The following ATF6 variants were observed in gnomAD, a reference collection of about 807,000 sequenced individuals.
ATF6 encodes activating transcription factor 6.
A neutral mutation model predicts 83.6 loss-of-function variants in ATF6; 53 were observed. That is an observed-to-expected ratio of 0.63 (90% confidence interval 0.51 to 0.80). The LOEUF (loss-of-function observed/expected upper bound fraction) is 0.80, where lower values mean the gene tolerates loss of function less well. ATF6 is among the 30% of genes least tolerant of loss of function. The pLI, the probability that ATF6 is intolerant of heterozygous loss-of-function variation, is 0.00. For missense variants in ATF6, 744 were observed against 797.9 expected (o/e 0.93, Z 0.81); for synonymous variants, 288 against 285.8 (o/e 1.01, Z -0.08).
intron 7 of ATF6, among the ~76,000 whole-genome samples, chr1:161,810,685 G>A (rs1685433800): frequency 6.6e-6 from 1 of 151,866 alleles, no homozygotes; most frequent in East Asian, 1.9e-4. Context: ...ACAATTTAGT[G>A]GTACCATCAC....
At chr1:161,846,697 C>T in intron 10 of ATF6, 117 bp downstream of exon 10, 2 of 1,020,742 alleles carry the variant, frequency 2.0e-6, no homozygotes, top group Non-Finnish European at 2.6e-6. Flanking sequence ...AGTAGTAGAA[C>T]ACATAAATTA....
chr1:161,768,475 A>G (rs1684317992), intron 1 of ATF6, among the ~76,000 whole-genome samples: 1 of 152,186 alleles, frequency 6.6e-6, no homozygotes. Flanking sequence ...CAATAGAGTG[A>G]AACACTACTG....
intron 14 of ATF6, among the ~76,000 whole-genome samples, chr1:161,901,779 A>G (rs779787112): frequency 1.3e-5 from 2 of 152,266 alleles, no homozygotes; most frequent in Non-Finnish European, 1.5e-5. Context: ...TAGTTGCACT[A>G]TAGAATCTAA....
At chr1:161,930,200 C>T (rs1450380676) in intron 15 of ATF6, among the ~76,000 whole-genome samples, 1 of 152,156 alleles carries the variant, frequency 6.6e-6, no homozygotes, top group Non-Finnish European at 1.5e-5. Flanking sequence ...GATGACAGTA[C>T]ATTTTCATAA....
chr1:161,861,529 A>G (rs1195563489), intron 13 of ATF6, among the ~76,000 whole-genome samples: 2 of 152,212 alleles, frequency 1.3e-5, no homozygotes, highest in Non-Finnish European at 1.5e-5. Flanking sequence ...TTTTAAAAAT[A>G]TATCAATTTT....
intron 14 of ATF6, among the ~76,000 whole-genome samples, chr1:161,886,913 G>A (rs1571214538): frequency 6.6e-6 from 1 of 152,182 alleles, no homozygotes. Context: ...GACAGTTCTA[G>A]AGACACTGAA....
At chr1:161,804,045 A>C (rs377325188) in intron 7 of ATF6, among the ~76,000 whole-genome samples, 2 of 128,306 alleles carry the variant, frequency 1.6e-5, no homozygotes, top group Admixed American at 2.0e-4. Context: ...TCCTGTGTCC[A>C]TGTGTTCTCA....
chr1:161,888,932 G>A (rs561918370), intron 14 of ATF6, among the ~76,000 whole-genome samples: 34 of 152,224 alleles, frequency 2.2e-4, no homozygotes, highest in African/African-American at 7.7e-4. Context: ...CAGCTTGCCA[G>A]TATTTCCCCA....
chr1:161,899,184 T>G (rs536867768), intron 14 of ATF6, among the ~76,000 whole-genome samples: 1 of 152,326 alleles, frequency 6.6e-6, no homozygotes, highest in African/African-American at 2.4e-5. Context: ...TAAACATTTT[T>G]TTCATATCAC....
intron 7 of ATF6, among the ~76,000 whole-genome samples, chr1:161,809,158 T>G (rs140637716): frequency 6.6e-6 from 1 of 152,326 alleles, no homozygotes; most frequent in Non-Finnish European, 1.5e-5. Flanking sequence ...ACTCGTGATT[T>G]ACATTAGGTA....
At chr1:161,958,099 T>A (rs1689004407) in intron 15 of ATF6, among the ~76,000 whole-genome samples, 1 of 152,188 alleles carries the variant, frequency 6.6e-6, no homozygotes, top group Non-Finnish European at 1.5e-5. Context: ...TAAAAAGCCC[T>A]TCTGTTCCAG....
chr1:161,938,474 T>G (rs1688580923), intron 15 of ATF6, among the ~76,000 whole-genome samples: 1 of 151,940 alleles, frequency 6.6e-6, no homozygotes, highest in African/African-American at 2.4e-5. Flanking sequence ...AACATAAGAG[T>G]GTAAAGATTT....
chr1:161,939,444 TATTC>T (rs1214559585), intron 15 of ATF6, among the ~76,000 whole-genome samples: 1 of 152,240 alleles, frequency 6.6e-6, no homozygotes, highest in Non-Finnish European at 1.5e-5. Context: ...TAGGTGATCT[TATTC>T]AATCACATGG....
intron 15 of ATF6, among the ~76,000 whole-genome samples, chr1:161,915,884 A>C (rs1174113797): frequency 2.6e-5 from 4 of 152,118 alleles, no homozygotes; most frequent in African/African-American, 9.7e-5. Context: ...CAGCCTCCCA[A>C]AGTGCTAGGA....
intron 7 of ATF6, among the ~76,000 whole-genome samples, chr1:161,817,735 T>C (rs1225301931): frequency 6.6e-6 from 1 of 152,178 alleles, no homozygotes; most frequent in Non-Finnish European, 1.5e-5. Context: ...GATCACTTGG[T>C]TGGCTTTGGC....
chr1:161,794,466 T>C (rs1252667228), intron 6 of ATF6, among the ~76,000 whole-genome samples: 1 of 152,094 alleles, frequency 6.6e-6, no homozygotes, highest in African/African-American at 2.4e-5. Context: ...GTTTTTTGTT[T>C]TTTTGTTATT....
At chr1:161,812,106 T>G (rs574577802) in intron 7 of ATF6, among the ~76,000 whole-genome samples, 57 of 152,286 alleles carry the variant, frequency 3.7e-4, no homozygotes, top group South Asian at 1.7e-3. Context: ...AATAAAGTAC[T>G]ATGTGCCAGG....
rs770517546 is a variant in ATF6 at position 161,791,459 on chromosome 1, G to A, written c.406G>A (p.Gly136Ser). ...TCAGATGTCTCCCCTTTCCTTATAT[G>A]GTGAAAACTCTAATAGTCTCTCTTC... ...SSQMSPLSLY[G>S]ENSNSLSSAE... Residue 136 changes from glycine (G) to serine (S), a missense_variant, in exon 5 of 16, where the codon GGT (glycine) becomes AGT (serine). Gly to Ser is a moderately conservative substitution (Grantham distance 56). Coordinates refer to ENST00000367942, the MANE Select transcript of ATF6 (RefSeq NM_007348.4). 6 of 1,612,490 alleles carry A rather than the reference G, an allele frequency of 3.7e-6. No individual in the cohort carries two copies. In the Admixed American group the frequency reaches 8.4e-5, roughly 22 times the overall value.
At chr1:161,852,659 C>G (rs1049755479) in intron 11 of ATF6, among the ~76,000 whole-genome samples, 3 of 152,114 alleles carry the variant, frequency 2.0e-5, no homozygotes, top group African/African-American at 7.2e-5. Context: ...GTTGCTCAGG[C>G]TGGTGTGCAG....
Sources: gnomAD v4.1 joint callset for allele counts (sites outside exome capture counted in the v4.1 genomes callset) on GRCh38, gnomAD v4.1.1 for gene constraint, MANE v1.5 for transcripts, NCBI Gene and HGNC (gene_info 2026-07-23, HGNC 2026-07-21) for gene names.